Variants in CDYL observed in about 807,000 individuals in gnomAD.
The protein encoded by CDYL is chromodomain Y like, also known as chromodomain Y-like protein.
A neutral mutation model predicts 47.3 loss-of-function variants in CDYL; 8 were observed. The observed-to-expected ratio is 0.17, with a 90% CI of 0.10 to 0.31. CDYL has a LOEUF of 0.31. Among genes scored for constraint, CDYL ranks in the 10% least tolerant of loss-of-function variants. The probability of loss-of-function intolerance (pLI) is 1.00; values close to 1 mark genes in which losing one functional copy is unlikely to be tolerated. For missense variants in CDYL, 471 were observed against 701.4 expected (o/e 0.67, Z 3.71); for synonymous variants, 266 against 265.0 (o/e 1.00, Z -0.04).
chr6:4,952,423 C>A lies in CDYL; in HGVS notation c.1476+14C>A. 6.3e-7 allele frequency: 1 copy of A among 1,597,556 alleles called. No homozygotes were observed. Among genetic ancestry groups the A allele is most frequent in the Non-Finnish European group, 8.5e-7 (1 of 1,173,472 alleles). The stretch of plus-strand genomic sequence containing the variant: ...TGCAATCCAGTTGTATGTCTAATTG[C>A]TTCTGTTACACGTTACTTTTTAAAA... On this transcript the variant is annotated intron_variant, in intron 6 of 6. Transcript: ENST00000397588.
intron 2 of CDYL, among the ~76,000 whole-genome samples, chr6:4,724,237 CAG>C (rs894069088): frequency 4.0e-5 from 6 of 151,660 alleles, no homozygotes; most frequent in African/African-American, 1.5e-4. Flanking sequence ...TAAGTAGAGA[CAG>C]GGTTTCATTA....
intron 2 of CDYL, chr6:4,724,493 G>C (rs575923255): frequency 6.5e-6 from 1 of 152,722 alleles, no homozygotes; most frequent in African/African-American, 2.4e-5. Flanking sequence ...GTGGGTTCTT[G>C]GTCTCACTGA....
chr6:4,895,258 C>T (rs111218621), intron 2 of CDYL, among the ~76,000 whole-genome samples: 753 of 1,356 alleles, frequency 0.56, 236 homozygotes, highest in Admixed American at 0.59. Flanking sequence ...TATATATGTG[C>T]ATGTATACAT....
intron 1 of CDYL, among the ~76,000 whole-genome samples, chr6:4,842,574 T>C (rs1050545629): frequency 1.3e-5 from 2 of 152,146 alleles, no homozygotes; most frequent in African/African-American, 4.8e-5. Context: ...TTTTCTGATA[T>C]AAGAATAGCT....
At chr6:4,837,922 C>G (rs193291728) in intron 1 of CDYL, among the ~76,000 whole-genome samples, 1 of 151,342 alleles carries the variant, frequency 6.6e-6, no homozygotes, top group Non-Finnish European at 1.5e-5. Context: ...TACAGGCGTG[C>G]ACCAACAAAC....
intron 2 of CDYL, among the ~76,000 whole-genome samples, chr6:4,723,717 G>T (rs1184569792): frequency 6.6e-6 from 1 of 152,178 alleles, no homozygotes; most frequent in Admixed American, 6.5e-5. Flanking sequence ...AAGCCACAGA[G>T]CAGGGCAGAG....
chr6:4,814,762 A>G lies in CDYL; in HGVS notation c.24+37955A>G, dbSNP rs556891166. Among the ~76,000 whole-genome samples, 574 of 152,264 alleles carry G rather than the reference A, an allele frequency of 3.8e-3. 2 individuals are homozygous for G. The highest frequency in any genetic ancestry group is 6.4e-3 in the Non-Finnish European group (438 of 68,028). On this transcript the variant is annotated intron_variant, in intron 1 of 6. Coordinates refer to ENST00000397588, the MANE Select transcript of CDYL (RefSeq NM_004824.4). Reference sequence around the variant, plus strand: ...GCTCTCGAACTCCTTGCCTCAAATGATCTGCCCGCCTCAGCCTCCCAAAGT... The same window carrying G: ...GCTCTCGAACTCCTTGCCTCAAATGGTCTGCCCGCCTCAGCCTCCCAAAGT...
At chr6:4,798,106 A>G (rs922993719) in intron 1 of CDYL, among the ~76,000 whole-genome samples, 1 of 151,910 alleles carries the variant, frequency 6.6e-6, no homozygotes, top group Non-Finnish European at 1.5e-5. Context: ...CTAGGTAGCT[A>G]GGACTGTAAG....
At chr6:4,899,951 G>GT (rs570893950) in intron 2 of CDYL, among the ~76,000 whole-genome samples, 2 of 152,246 alleles carry the variant, frequency 1.3e-5, no homozygotes, top group Non-Finnish European at 1.5e-5. Flanking sequence ...GACTTTGAGA[G>GT]TTTTTTCCCT....
intron 1 of CDYL, among the ~76,000 whole-genome samples, chr6:4,867,830 G>A (rs1761364384): frequency 6.7e-6 from 1 of 149,444 alleles, no homozygotes; most frequent in South Asian, 2.1e-4. Flanking sequence ...TCTGGAGTCA[G>A]TTTTGGTAAC....
intron 1 of CDYL, among the ~76,000 whole-genome samples, chr6:4,823,082 C>T (rs922845718): frequency 1.3e-5 from 2 of 152,168 alleles, no homozygotes; most frequent in African/African-American, 4.8e-5. Flanking sequence ...GATTCAGCAG[C>T]TTTTCTTAAC....
chr6:4,883,370 G>A (rs1284787195), intron 1 of CDYL, among the ~76,000 whole-genome samples: 6 of 152,168 alleles, frequency 3.9e-5, no homozygotes, highest in Non-Finnish European at 8.8e-5. Context: ...TTTCAGATCT[G>A]CCATTCCTCC....
chr6:4,927,340 C>A (rs1418468753), intron 2 of CDYL, among the ~76,000 whole-genome samples: 2 of 140,668 alleles, frequency 1.4e-5, no homozygotes, highest in Admixed American at 7.6e-5. Flanking sequence ...GTTTTCTAAT[C>A]TGAAGGTAGA....
chr6:4,908,400 A>G (rs1392078210), intron 2 of CDYL, among the ~76,000 whole-genome samples: 1 of 152,166 alleles, frequency 6.6e-6, no homozygotes, highest in Admixed American at 6.5e-5. Context: ...CCCTAGTTTG[A>G]GAAACACTGA....
At chr6:4,936,677 G>T (rs531895675) in intron 3 of CDYL, among the ~76,000 whole-genome samples, 16 of 152,130 alleles carry the variant, frequency 1.1e-4, no homozygotes, top group Non-Finnish European at 2.2e-4. Context: ...ACTATTTTCT[G>T]TCCCAAGTGT....
chr6:4,819,162 C>CTG (rs374323088), intron 1 of CDYL, among the ~76,000 whole-genome samples: 1,209 of 111,762 alleles, frequency 0.011, 13 homozygotes, highest in Middle Eastern at 0.016. Flanking sequence ...CTCTCTCTCT[C>CTG]TGTGTGTGTG....
chr6:4,895,545 A>ATGTG (rs144373160), intron 2 of CDYL, among the ~76,000 whole-genome samples: 2 of 145,434 alleles, frequency 1.4e-5, no homozygotes, highest in African/African-American at 5.6e-5. Flanking sequence ...ATATGTGTAT[A>ATGTG]TGTGTGTGTG....
intron 1 of CDYL, among the ~76,000 whole-genome samples, chr6:4,808,052 A>G (rs1759423109): frequency 6.6e-6 from 1 of 151,876 alleles, no homozygotes; most frequent in South Asian, 2.1e-4. Context: ...TGTTTTCCCA[A>G]TTTCTTATTT....
At chr6:4,819,154 C>CTGTGTGTGTGTGTGTGTG (rs1481715959) in intron 1 of CDYL, among the ~76,000 whole-genome samples, 2 of 137,612 alleles carry the variant, frequency 1.5e-5, no homozygotes, top group African/African-American at 6.4e-5. Context: ...CTCTCTCTCT[C>CTGTGTGTGTGTGTGTGTG]TCTCTCTCTG....
Sources: gnomAD v4.1 joint callset for allele counts (sites outside exome capture counted in the v4.1 genomes callset) on GRCh38, gnomAD v4.1.1 for gene constraint, MANE v1.5 for transcripts, NCBI Gene and HGNC (gene_info 2026-07-23, HGNC 2026-07-21) for gene names.